Variants in IGSF21 observed in about 807,000 individuals in gnomAD.
IGSF21 encodes immunoglobulin superfamily member 21.
A neutral mutation model predicts 46.8 loss-of-function variants in IGSF21; 28 were observed. That is an observed-to-expected ratio of 0.60 (90% confidence interval 0.44 to 0.82). IGSF21 has a LOEUF of 0.82. Among genes scored for constraint, IGSF21 ranks in the 40% least tolerant of loss-of-function variants. The pLI is 0.00. For synonymous variants in IGSF21, 284 were observed against 273.6 expected, an observed-to-expected ratio of 1.04 and a Z score of -0.38; for missense variants, 624 against 665.5, an observed-to-expected ratio of 0.94 and a Z score of 0.69.
intron 3 of IGSF21, among the ~76,000 whole-genome samples, chr1:18,308,032 C>T (rs1463223947): frequency 6.6e-6 from 1 of 152,180 alleles, no homozygotes; most frequent in Non-Finnish European, 1.5e-5. Flanking sequence ...CCTAAAGGGA[C>T]ACCCTGCTCC....
At chr1:18,374,569 C>T (rs1369456480) in intron 6 of IGSF21, among the ~76,000 whole-genome samples, 4 of 152,162 alleles carry the variant, frequency 2.6e-5, no homozygotes, top group Non-Finnish European at 5.9e-5. Flanking sequence ...AGAACCAGCC[C>T]TTCCCTTCCC....
intron 3 of IGSF21, among the ~76,000 whole-genome samples, chr1:18,295,164 C>T (rs2085300994): frequency 6.6e-6 from 1 of 152,136 alleles, no homozygotes; most frequent in South Asian, 2.1e-4. Context: ...ACTTCTGCCC[C>T]CAGGGGGTGC....
At chr1:18,127,719 A>G (rs2086285455) in intron 1 of IGSF21, among the ~76,000 whole-genome samples, 1 of 152,128 alleles carries the variant, frequency 6.6e-6, no homozygotes, top group South Asian at 2.1e-4. Flanking sequence ...CCTGGGAAAC[A>G]TGGTGAAACC....
At chr1:18,325,442 G>C (rs899485824) in intron 3 of IGSF21, among the ~76,000 whole-genome samples, 2 of 152,086 alleles carry the variant, frequency 1.3e-5, no homozygotes, top group Admixed American at 6.5e-5. Context: ...CTGAGTCTTC[G>C]AGCGGGCTTG....
chr1:18,366,575 CT>C lies in IGSF21; in HGVS notation c.1015+881del, dbSNP rs2086167265. 2.6e-5 allele frequency among the ~76,000 whole-genome samples: 4 copies of C among 152,250 alleles called. No individual in the cohort carries two copies. In the South Asian group the frequency reaches 6.2e-4, roughly 24 times the overall value. The stretch of plus-strand genomic sequence containing the variant: ...GGTTGCAAACCTGGGAGGTTGCAGG[CT>C]TTGCTGGATCGGGTTCGAGAATTCT... On this transcript the variant is annotated intron_variant, in intron 6 of 9. Coordinates refer to ENST00000251296, the MANE Select transcript of IGSF21 (RefSeq NM_032880.5).
At chr1:18,219,789 C>G (rs1159835031) in intron 1 of IGSF21, among the ~76,000 whole-genome samples, 3 of 152,056 alleles carry the variant, frequency 2.0e-5, no homozygotes, top group Non-Finnish European at 4.4e-5. Context: ...GGTTCCCTAC[C>G]CAGGACTTAG....
At chr1:18,316,128 G>A (rs558355290) in intron 3 of IGSF21, among the ~76,000 whole-genome samples, 58 of 152,252 alleles carry the variant, frequency 3.8e-4, no homozygotes, top group Admixed American at 1.3e-4. Flanking sequence ...GAGGCATCAC[G>A]AGGCCAACTG....
chr1:18,108,218 GC>G lies in IGSF21; in HGVS notation c.70+21del. On this transcript the variant is annotated intron_variant, in intron 1 of 9. Transcript: ENST00000251296. ...CGCGCGGTGAGTGCGCGGGCGCCTG[GC>G]GGGAGCCGAGCGGTGAACGTGCGCG... The G allele has an allele frequency of 7.3e-7, 1 of 1,361,330 alleles. No homozygotes were observed. Among genetic ancestry groups the G allele is most frequent in the South Asian group, 1.8e-5 (1 of 57,134 alleles). The allele number at this position is 1,361,330 out of a possible 1,614,324, so 84.3% of individuals were successfully genotyped here. A position where few individuals can be genotyped will look rare whatever the true frequency, so the allele number is the denominator to read the frequency against.
chr1:18,199,024 C>T (rs1320220403), intron 1 of IGSF21, among the ~76,000 whole-genome samples: 1 of 152,100 alleles, frequency 6.6e-6, no homozygotes, highest in Non-Finnish European at 1.5e-5. Flanking sequence ...CTCACTGGTC[C>T]CCCTTCCCCA....
intron 1 of IGSF21, among the ~76,000 whole-genome samples, chr1:18,121,238 C>T (rs919826642): frequency 8.5e-5 from 13 of 152,170 alleles, no homozygotes; most frequent in African/African-American, 2.9e-4. Flanking sequence ...GATCTTTATC[C>T]TTCATCTGAA....
At chr1:18,327,059 G>T (rs1383459199) in intron 3 of IGSF21, among the ~76,000 whole-genome samples, 1 of 152,142 alleles carries the variant, frequency 6.6e-6, no homozygotes, top group Non-Finnish European at 1.5e-5. Context: ...GGGCACCCAG[G>T]CAAATGTCAT....
intron 2 of IGSF21, 147 bp from the exon 3 acceptor site, chr1:18,291,719 A>G: frequency 1.0e-6 from 1 of 953,140 alleles, no homozygotes; most frequent in South Asian, 1.7e-5. Context: ...CGCTGCCTCC[A>G]GGAAGCCCTC....
chr1:18,146,558 C>T (rs754350061), intron 1 of IGSF21, among the ~76,000 whole-genome samples: 3 of 152,200 alleles, frequency 2.0e-5, no homozygotes, highest in Non-Finnish European at 4.4e-5. Flanking sequence ...AGCCCAACCA[C>T]ATGCTGCCCA....
At chr1:18,352,815 G>A (rs1360545975) in intron 4 of IGSF21, among the ~76,000 whole-genome samples, 1 of 152,212 alleles carries the variant, frequency 6.6e-6, no homozygotes, top group Non-Finnish European at 1.5e-5. Context: ...GGGCAAGGCA[G>A]GTGAGCGGGT....
At position 18,145,485 on chromosome 1, in the gene IGSF21, A is replaced by C. The variant is rs137872624; in HGVS notation, c.70+37287A>C. ...CCCCCAGCCCCTCCTGGTTCCCATG[A>C]GGCAGCCTGATACCTGCCGCCCCAA... On this transcript the variant is annotated intron_variant, in intron 1 of 9. Coordinates refer to ENST00000251296, the MANE Select transcript of IGSF21 (RefSeq NM_032880.5). Among the ~76,000 whole-genome samples the C allele has an allele frequency of 2.6e-4, 40 of 152,232 alleles. 1 individual carries two copies. In the East Asian group the frequency reaches 7.0e-3, roughly 26 times the overall value.
At chr1:18,271,960 A>G (rs541750854) in intron 2 of IGSF21, among the ~76,000 whole-genome samples, 2 of 152,122 alleles carry the variant, frequency 1.3e-5, no homozygotes, top group South Asian at 4.2e-4. Flanking sequence ...CTGAGTTCCA[A>G]GTCCACTGTA....
At chr1:18,114,963 G>A (rs1001822404) in intron 1 of IGSF21, 10 of 152,642 alleles carry the variant, frequency 6.6e-5, no homozygotes, top group African/African-American at 2.2e-4. Flanking sequence ...TAGCCACTTT[G>A]CTGCTGTGAC....
intron 2 of IGSF21, among the ~76,000 whole-genome samples, chr1:18,287,654 C>G (rs767367441): frequency 5.9e-5 from 9 of 152,194 alleles, no homozygotes; most frequent in Non-Finnish European, 8.8e-5. Context: ...GTGGTCCCTA[C>G]CCACTGGCAC....
intron 6 of IGSF21, among the ~76,000 whole-genome samples, chr1:18,366,969 G>A (rs374288599): frequency 1.6e-4 from 24 of 152,294 alleles, no homozygotes; most frequent in African/African-American, 9.6e-5. Context: ...CTGGGTGGGC[G>A]AGGGCAGGGG....
Sources: gnomAD v4.1 joint callset for allele counts (sites outside exome capture counted in the v4.1 genomes callset) on GRCh38, gnomAD v4.1.1 for gene constraint, MANE v1.5 for transcripts, NCBI Gene and HGNC (gene_info 2026-07-23, HGNC 2026-07-21) for gene names.